Variants in TNNI3K observed in about 807,000 individuals in gnomAD.
TNNI3K encodes TNNI3 interacting kinase.
In TNNI3K, 140 loss-of-function variants were observed where a neutral mutation model predicts 114.5. The ratio of observed to expected loss-of-function variants is 1.22; its 90% confidence interval spans 1.07 to 1.41. The LOEUF is 1.41. Among genes scored for constraint, TNNI3K ranks in the 40% most tolerant of loss-of-function variants. The pLI is 0.00. For missense variants in TNNI3K, 1,125 were observed against 1,007.6 expected (o/e 1.12, Z -1.58); for synonymous variants, 347 against 347.5 (o/e 1.00, Z 0.02).
chr1:74,486,597 A>G (rs1668782291), intron 21 of TNNI3K, among the ~76,000 whole-genome samples: 1 of 149,558 alleles, frequency 6.7e-6, no homozygotes, highest in African/African-American at 2.5e-5. Context: ...TGCATGTATG[A>G]GTTTAGAGTT....
At chr1:74,248,381 T>G (rs1238473612) in intron 2 of TNNI3K, among the ~76,000 whole-genome samples, 2 of 152,068 alleles carry the variant, frequency 1.3e-5, no homozygotes, top group Non-Finnish European at 2.9e-5. Context: ...GCTGAAGGGC[T>G]CCTCAAGTGC....
intron 6 of TNNI3K, among the ~76,000 whole-genome samples, chr1:74,332,956 CA>C (rs796977281): frequency 8.6e-5 from 8 of 92,720 alleles, no homozygotes; most frequent in Admixed American, 2.7e-4. Flanking sequence ...CTGAAAATAA[CA>C]AAAAAAAAAA....
intron 20 of TNNI3K, among the ~76,000 whole-genome samples, chr1:74,451,426 A>C (rs1391703963): frequency 6.6e-6 from 1 of 151,988 alleles, no homozygotes; most frequent in Non-Finnish European, 1.5e-5. Context: ...TCAATGTCCA[A>C]TTTTTTGCTA....
chr1:74,535,071 C>T (rs1036755144), intron 23 of TNNI3K, among the ~76,000 whole-genome samples: 6 of 152,128 alleles, frequency 3.9e-5, no homozygotes, highest in South Asian at 4.1e-4. Flanking sequence ...ATGTTGGACA[C>T]GTCAGATAAG....
chr1:74,364,701 A>G (rs1230029473), intron 11 of TNNI3K, among the ~76,000 whole-genome samples: 1 of 151,876 alleles, frequency 6.6e-6, no homozygotes, highest in Non-Finnish European at 1.5e-5. Flanking sequence ...TGTAATATGG[A>G]AAAGGGGGGC....
chr1:74,285,642 T>C (rs1657284316), intron 5 of TNNI3K, among the ~76,000 whole-genome samples: 1 of 152,208 alleles, frequency 6.6e-6, no homozygotes, highest in Admixed American at 6.5e-5. Context: ...CTAGAAATCA[T>C]CATATTTCTC....
At chr1:74,519,496 C>T (rs1388568315) in intron 23 of TNNI3K, among the ~76,000 whole-genome samples, 1 of 125,406 alleles carries the variant, frequency 8.0e-6, no homozygotes, top group Admixed American at 7.4e-5. Flanking sequence ...TACAGTCCCA[C>T]CAACAGTGTA....
At chr1:74,464,832 G>A (rs1188728186) in intron 21 of TNNI3K, 27 of 1,439,820 alleles carry the variant, frequency 1.9e-5, no homozygotes, top group Admixed American at 5.1e-5. Flanking sequence ...CCATGAAAGC[G>A]GTCCTTTTTG....
At chr1:74,543,830 T>C in intron 24 of TNNI3K, 76 bp from the exon 25 acceptor site, 3 of 1,557,718 alleles carry the variant, frequency 1.9e-6, no homozygotes, top group Non-Finnish European at 2.6e-6. Flanking sequence ...ACCTGCCTGG[T>C]TCAGGCTGGT....
At chr1:74,481,210 C>G (rs2100258521) in intron 21 of TNNI3K, among the ~76,000 whole-genome samples, 1 of 152,212 alleles carries the variant, frequency 6.6e-6, no homozygotes, top group Middle Eastern at 3.4e-3. Flanking sequence ...GAAACATAAA[C>G]CCATCTGTTA....
intron 11 of TNNI3K, among the ~76,000 whole-genome samples, chr1:74,358,582 A>G (rs1310702874): frequency 6.6e-6 from 1 of 152,058 alleles, no homozygotes; most frequent in Non-Finnish European, 1.5e-5. Context: ...ATTTTCACCA[A>G]TAGATTATGA....
intron 20 of TNNI3K, among the ~76,000 whole-genome samples, chr1:74,440,317 C>T (rs1164475055): frequency 6.6e-6 from 1 of 152,020 alleles, no homozygotes; most frequent in African/African-American, 2.4e-5. Flanking sequence ...AGACAAATCT[C>T]CTTAAGGACT....
At chr1:74,379,810 A>C (rs892998289) in intron 17 of TNNI3K, among the ~76,000 whole-genome samples, 1 of 152,072 alleles carries the variant, frequency 6.6e-6, no homozygotes, top group Middle Eastern at 3.2e-3. Flanking sequence ...TCACTACTAG[A>C]ATGTCCTTTA....
At chr1:74,474,924 G>C (rs1323075188) in intron 21 of TNNI3K, among the ~76,000 whole-genome samples, 3 of 152,020 alleles carry the variant, frequency 2.0e-5, no homozygotes, top group Non-Finnish European at 2.9e-5. Flanking sequence ...ATTGGCATTA[G>C]AGCTCGAAGG....
intron 5 of TNNI3K, among the ~76,000 whole-genome samples, chr1:74,327,361 A>T (rs12140897): frequency 0.065 from 9,708 of 148,834 alleles, 358 homozygotes; most frequent in Middle Eastern, 0.1. Flanking sequence ...TTTAAATCTT[A>T]GTTCTTTGAT....
intron 11 of TNNI3K, among the ~76,000 whole-genome samples, chr1:74,360,547 A>G (rs1466949609): frequency 6.6e-6 from 1 of 152,118 alleles, no homozygotes; most frequent in Non-Finnish European, 1.5e-5. Context: ...ACTTCACATA[A>G]TAGGGATAGT....
intron 20 of TNNI3K, among the ~76,000 whole-genome samples, chr1:74,444,586 T>C (rs933299855): frequency 3.9e-5 from 6 of 151,956 alleles, no homozygotes; most frequent in African/African-American, 9.7e-5. Context: ...AGAATCAACA[T>C]CATGAAAATG....
intron 23 of TNNI3K, among the ~76,000 whole-genome samples, chr1:74,513,233 GT>G: frequency 6.6e-6 from 1 of 152,124 alleles, no homozygotes; most frequent in East Asian, 1.9e-4. Context: ...TTCCTAGTTC[GT>G]TTATTCAGCT....
chr1:74,510,932 G>A (rs1670156838), intron 23 of TNNI3K, among the ~76,000 whole-genome samples: 1 of 152,202 alleles, frequency 6.6e-6, no homozygotes. Flanking sequence ...TTGTCCCCCA[G>A]GCTGGAGTAC....
Sources: allele counts gnomAD v4.1 joint callset (sites outside exome capture counted in the v4.1 genomes callset), GRCh38; gene constraint gnomAD v4.1.1; transcripts MANE v1.5; gene names NCBI Gene and HGNC (gene_info 2026-07-23, HGNC 2026-07-21).